The following KIAA0930 variants were observed in gnomAD, a reference collection of about 807,000 sequenced individuals.
The protein encoded by KIAA0930 is uncharacterized protein KIAA0930.
KIAA0930 carries 24 observed loss-of-function variants against 43.9 expected under a neutral mutation model. The observed-to-expected ratio is 0.55, with a 90% CI of 0.40 to 0.77. The LOEUF (loss-of-function observed/expected upper bound fraction) is 0.77. Ranked by LOEUF, KIAA0930 falls within the 30% of genes least tolerant of loss-of-function variation. KIAA0930 has a pLI of 0.00. For synonymous variants in KIAA0930, 259 were observed against 216.4 expected, an observed-to-expected ratio of 1.20 and a Z score of -1.73; for missense variants, 461 against 574.2, an observed-to-expected ratio of 0.80 and a Z score of 2.02.
chr22:45,240,112 A>G (rs1446506810), intron 1 of KIAA0930, among the ~76,000 whole-genome samples: 1 of 152,014 alleles, frequency 6.6e-6, no homozygotes, highest in Non-Finnish European at 1.5e-5. Flanking sequence ...AGGTCCCTGG[A>G]TACAGCTAAG....
intron 1 of KIAA0930, among the ~76,000 whole-genome samples, chr22:45,240,000 C>A (rs999979883): frequency 8.5e-5 from 13 of 152,156 alleles, no homozygotes; most frequent in African/African-American, 3.1e-4. Flanking sequence ...CCCCATCCCA[C>A]GCCCCCCAGC....
At chr22:45,206,214 G>C (rs2083636675) in intron 2 of KIAA0930, among the ~76,000 whole-genome samples, 1 of 152,042 alleles carries the variant, frequency 6.6e-6, no homozygotes, top group Non-Finnish European at 1.5e-5. Flanking sequence ...GTGGCGTTTC[G>C]CCATGTTGTC....
intron 1 of KIAA0930, among the ~76,000 whole-genome samples, chr22:45,223,884 G>A (rs1221223109): frequency 6.7e-6 from 1 of 148,780 alleles, no homozygotes; most frequent in Non-Finnish European, 1.5e-5. Flanking sequence ...AGCACCCAGG[G>A]TCAGCACTGA....
At chr22:45,211,873 G>T in intron 2 of KIAA0930, 83 bp downstream of exon 2, 2 of 1,395,650 alleles carry the variant, frequency 1.4e-6, no homozygotes. Context: ...AGCACTGTAG[G>T]AAAGCCCACA....
At chr22:45,238,531 G>A (rs2083899852) in intron 1 of KIAA0930, among the ~76,000 whole-genome samples, 1 of 152,216 alleles carries the variant, frequency 6.6e-6, no homozygotes, top group South Asian at 2.1e-4. Flanking sequence ...CTGGGAGCTG[G>A]AAAGAGTTCC....
intron 7 of KIAA0930, among the ~76,000 whole-genome samples, chr22:45,201,544 C>G (rs2083589126): frequency 6.6e-6 from 1 of 152,208 alleles, no homozygotes; most frequent in African/African-American, 2.4e-5. Flanking sequence ...GACTTTCACA[C>G]ACACATTTTG....
intron 1 of KIAA0930, among the ~76,000 whole-genome samples, chr22:45,219,683 C>A (rs1178229755): frequency 6.8e-6 from 1 of 147,162 alleles, no homozygotes; most frequent in Non-Finnish European, 1.5e-5. Context: ...CCTCCATTTC[C>A]TGGGCTCAAG....
intron 2 of KIAA0930, among the ~76,000 whole-genome samples, chr22:45,210,572 T>C (rs2083683649): frequency 1.3e-5 from 2 of 152,052 alleles, no homozygotes; most frequent in Non-Finnish European, 2.9e-5. Context: ...GACCTGGCAG[T>C]GTCATATGGT....
At chr22:45,219,315 T>G (rs535665962) in intron 1 of KIAA0930, among the ~76,000 whole-genome samples, 1 of 152,192 alleles carries the variant, frequency 6.6e-6, no homozygotes, top group Non-Finnish European at 1.5e-5. Flanking sequence ...CAACTGCCAC[T>G]GTGGTTACTA....
chr22:45,238,411 G>A (rs547497027), intron 1 of KIAA0930, among the ~76,000 whole-genome samples: 2 of 152,340 alleles, frequency 1.3e-5, no homozygotes, highest in African/African-American at 4.8e-5. Context: ...GGCCTCACCT[G>A]CTAACTGGGG....
chr22:45,203,937 G>A lies in KIAA0930; in HGVS notation c.565C>T (p.Leu189=), dbSNP rs757165754. 2 of 1,614,122 alleles carry A rather than the reference G, an allele frequency of 1.2e-6. No homozygotes were observed. Among genetic ancestry groups the A allele is most frequent in the South Asian group, 1.1e-5 (1 of 91,086 alleles). ...GTGTTGGTTTTGTCACTAGCCACCA[G>A]CTCCACACAGACCATCTCTCCTTCC... ...VGEGEMVCVE[L]VASDKTNTFQ... The change falls in exon 6 of 10, where the codon CTG becomes TTG. Residue 189 remains leucine, a synonymous_variant. Transcript: ENST00000336156.
In KIAA0930 at chr22:45,192,890, C is replaced by T. The variant is rs1321227388; in HGVS notation, c.*4286G>A. 6.6e-6 allele frequency: 1 copy of T among 152,176 alleles called. No homozygotes were observed. The highest frequency in any genetic ancestry group is 1.9e-4 in the East Asian group (1 of 5,186). 9.4% of individuals were successfully genotyped at this position (152,176 alleles called of 1,614,324 possible). On this transcript the variant is annotated 3_prime_UTR_variant, in exon 10 of 10. Coordinates refer to ENST00000336156, the MANE Select transcript of KIAA0930 (RefSeq NM_001009880.2). ...AGAAGGGGCTCAGGGGTCCTTTTGCCACTGAGGATCAAGCCAGCCAGTGAA... is the reference window on the plus strand; with the variant it reads ...AGAAGGGGCTCAGGGGTCCTTTTGCTACTGAGGATCAAGCCAGCCAGTGAA...
intron 8 of KIAA0930, among the ~76,000 whole-genome samples, chr22:45,198,697 T>G (rs921321531): frequency 6.6e-6 from 1 of 152,142 alleles, no homozygotes; most frequent in Non-Finnish European, 1.5e-5. Context: ...TTGCCCAGGC[T>G]CGAGTGCAGT....
At chr22:45,204,625 C>A (rs577464226) in intron 5 of KIAA0930, among the ~76,000 whole-genome samples, 9 of 152,092 alleles carry the variant, frequency 5.9e-5, no homozygotes, top group African/African-American at 9.7e-5. Context: ...ACCTTGGATG[C>A]GCACAAGGAC....
intron 1 of KIAA0930, among the ~76,000 whole-genome samples, chr22:45,220,578 TTTTTA>T (rs2083761410): frequency 6.6e-6 from 1 of 152,136 alleles, no homozygotes; most frequent in Non-Finnish European, 1.5e-5. Context: ...GCATTCTTGA[TTTTTA>T]TTTATTATTT....
chr22:45,230,421 C>T (rs1354784091), intron 1 of KIAA0930, among the ~76,000 whole-genome samples: 2 of 152,150 alleles, frequency 1.3e-5, no homozygotes, highest in Non-Finnish European at 2.9e-5. Flanking sequence ...CTGCCCTTCT[C>T]CCTGAAGCAG....
At chr22:45,213,307 AGT>A in intron 1 of KIAA0930, 1 of 1,303,036 alleles carries the variant, frequency 7.7e-7, no homozygotes, top group Non-Finnish European at 1.0e-6. Context: ...TCTGCCCAAC[AGT>A]GTGTTGCTCA....
rs13057060 is a variant in KIAA0930 at position 45,194,049 on chromosome 22, T to C, written c.*3127A>G. The C allele has an allele frequency of 2.6e-5, 3 of 113,752 alleles. No homozygotes were observed. The highest frequency in any genetic ancestry group is 1.1e-4 in the African/African-American group (3 of 27,548). The allele number at this position is 113,752 out of a possible 1,614,324, so 7.0% of individuals were successfully genotyped here. A position where few individuals can be genotyped will look rare whatever the true frequency, so the allele number is the denominator to read the frequency against. On this transcript the variant is annotated 3_prime_UTR_variant, in exon 10 of 10. Transcript: ENST00000336156. ...GGGGGTTTGGGTTTAAAGACCAATG[T>C]ATCTTTTTTTTTTTTTTTTTTTTTT... is the stretch of plus-strand genomic sequence containing the variant.
At chr22:45,218,813 G>A (rs951177811) in intron 1 of KIAA0930, among the ~76,000 whole-genome samples, 2 of 152,080 alleles carry the variant, frequency 1.3e-5, no homozygotes, top group Non-Finnish European at 2.9e-5. Context: ...CAGGCTTTCA[G>A]ACCTCTCCCC....
Sources: gnomAD v4.1 joint callset for allele counts (sites outside exome capture counted in the v4.1 genomes callset) on GRCh38, gnomAD v4.1.1 for gene constraint, MANE v1.5 for transcripts, NCBI Gene and HGNC (gene_info 2026-07-23, HGNC 2026-07-21) for gene names.